DYM: variants seen among roughly 807,000 people sequenced by gnomAD.
DYM encodes the protein dyggve-Melchior-Clausen syndrome protein.
In DYM, 78 loss-of-function variants were observed where a neutral mutation model predicts 93.1. The observed-to-expected ratio is 0.84, with a 90% CI of 0.70 to 1.01. The LOEUF (loss-of-function observed/expected upper bound fraction) is 1.01, where lower values mean the gene tolerates loss of function less well. Among genes scored for constraint, DYM ranks in the 50% least tolerant of loss-of-function variants. The probability of loss-of-function intolerance (pLI) is 0.00; values close to 1 mark genes in which losing one functional copy is unlikely to be tolerated. For synonymous variants in DYM, 321 were observed against 319.7 expected (o/e 1.00, Z -0.04); for missense variants, 789 against 845.0 (o/e 0.93, Z 0.82).
At chr18:49,073,900 G>C (rs112690780) in intron 17 of DYM, among the ~76,000 whole-genome samples, 108 of 152,294 alleles carry the variant, frequency 7.1e-4, no homozygotes, top group African/African-American at 2.5e-3. Context: ...AGGATAAGTA[G>C]AGAAGTCTGT....
chr18:49,410,496 T>C (rs1448619160), intron 2 of DYM, among the ~76,000 whole-genome samples: 1 of 151,374 alleles, frequency 6.6e-6, no homozygotes, highest in Non-Finnish European at 1.5e-5. Flanking sequence ...CAATTGGTTG[T>C]ATAATAACAC....
At chr18:49,125,490 A>G (rs1488044866) in intron 15 of DYM, among the ~76,000 whole-genome samples, 1 of 152,204 alleles carries the variant, frequency 6.6e-6, no homozygotes, top group African/African-American at 2.4e-5. Context: ...TTCAAGAAAG[A>G]AAAATAAAAT....
At chr18:49,260,870 AC>A (rs2094478860) in intron 11 of DYM, among the ~76,000 whole-genome samples, 6 of 151,764 alleles carry the variant, frequency 4.0e-5, no homozygotes, top group Non-Finnish European at 8.8e-5. Flanking sequence ...AAAAAAAAAA[AC>A]AAAACACCAC....
chr18:49,426,794 T>C (rs1408434484), intron 2 of DYM, among the ~76,000 whole-genome samples: 5 of 148,766 alleles, frequency 3.4e-5, no homozygotes, highest in Non-Finnish European at 7.4e-5. Flanking sequence ...TGTGTGTGAA[T>C]TTACCCTCAA....
At chr18:49,300,070 AATATAT>A (rs948967726) in intron 8 of DYM, among the ~76,000 whole-genome samples, 5 of 141,662 alleles carry the variant, frequency 3.5e-5, no homozygotes, top group African/African-American at 8.0e-5. Context: ...TATATATATA[AATATAT>A]ATATATATAA....
chr18:49,332,294 G>T (rs1468811236), intron 7 of DYM, among the ~76,000 whole-genome samples: 1 of 152,098 alleles, frequency 6.6e-6, no homozygotes, highest in African/African-American at 2.4e-5. Context: ...TAGAGACAAG[G>T]TCTCACTATG....
chr18:49,248,787 ATAT>A (rs1002294453), intron 13 of DYM, among the ~76,000 whole-genome samples: 12 of 152,214 alleles, frequency 7.9e-5, no homozygotes, highest in African/African-American at 2.7e-4. Context: ...GATATAAAAA[ATAT>A]TATTGTCTCA....
intron 16 of DYM, among the ~76,000 whole-genome samples, chr18:49,109,994 C>A (rs1413794597): frequency 1.3e-5 from 2 of 152,186 alleles, no homozygotes; most frequent in Admixed American, 1.3e-4. Flanking sequence ...TTGTTACTAT[C>A]TTTATTTTAG....
intron 17 of DYM, among the ~76,000 whole-genome samples, chr18:49,073,140 A>T (rs1206262032): frequency 2.6e-5 from 4 of 152,268 alleles, no homozygotes; most frequent in African/African-American, 9.6e-5. Context: ...AAAGTGCCTC[A>T]AAGTATTGAA....
chr18:49,151,728 C>G (rs1183933142), intron 15 of DYM, among the ~76,000 whole-genome samples: 1 of 152,116 alleles, frequency 6.6e-6, no homozygotes, highest in Non-Finnish European at 1.5e-5. Context: ...AAATAGACAG[C>G]TGCTTTCTAT....
intron 6 of DYM, among the ~76,000 whole-genome samples, chr18:49,335,211 T>C (rs1474933841): frequency 2.0e-5 from 3 of 152,242 alleles, no homozygotes; most frequent in Admixed American, 2.0e-4. Context: ...CGTGGTTGAA[T>C]AAAGCTCAGC....
Position 49,044,114 on chromosome 18 carries a change from C to T in DYM, c.2116G>A (p.Ala706Thr). 7 of 1,614,172 alleles carry T rather than the reference C, an allele frequency of 4.3e-6. No individual in the cohort carries two copies. The highest frequency in any genetic ancestry group is 2.5e-6 in the Non-Finnish European group (3 of 1,180,038). Residue 706 changes from alanine to threonine, a missense_variant, in exon 18 of 18, where the codon GCA (alanine) becomes ACA (threonine). By Grantham distance (58) the Ala-to-Thr change is moderately conservative (BLOSUM62 0). This residue lies in a region of DYM where 114 missense variants were observed against 105.8 expected (regional missense o/e 1.08). Transcript: ENST00000675505. ...TGTGGATTCCAGTACAGGCCGACTG[C>T]TGAGTTGTAGACAAGAGACCAGACA... ...PYVWSLVYNS[A>T]VGLYWNPQDI...
intron 1 of DYM, among the ~76,000 whole-genome samples, chr18:49,457,670 A>G (rs1488727223): frequency 6.6e-6 from 1 of 152,222 alleles, no homozygotes; most frequent in Non-Finnish European, 1.5e-5. Context: ...TAGGTAGAAT[A>G]ATAGCCTCCA....
intron 14 of DYM, among the ~76,000 whole-genome samples, chr18:49,190,735 T>C (rs1490143707): frequency 6.6e-6 from 1 of 152,162 alleles, no homozygotes. Flanking sequence ...CACTTATACA[T>C]GCATTTTCTT....
At position 49,286,635 on chromosome 18, in the gene DYM, T is replaced by A; in HGVS notation, c.764-19A>T. Reference sequence around the variant, plus strand: ...AGTCCTGCTGGGGAGGAAAACACCCTGTTAGGATGTGCTGCCACCAATGAG... The same window carrying A: ...AGTCCTGCTGGGGAGGAAAACACCCAGTTAGGATGTGCTGCCACCAATGAG... On this transcript the variant is annotated intron_variant, in intron 8 of 17. Coordinates refer to ENST00000675505, the MANE Select transcript of DYM (RefSeq NM_001353214.3). The A allele has an allele frequency of 1.9e-6, 3 of 1,611,438 alleles. No homozygotes were observed.
intron 2 of DYM, among the ~76,000 whole-genome samples, chr18:49,420,466 G>C (rs2073537193): frequency 1.3e-5 from 2 of 152,128 alleles, no homozygotes; most frequent in African/African-American, 2.4e-5. Context: ...ACCACACCTG[G>C]CTTAAACTAA....
intron 11 of DYM, among the ~76,000 whole-genome samples, chr18:49,268,344 T>C (rs1322514541): frequency 4.6e-5 from 7 of 152,200 alleles, no homozygotes. Context: ...AAAGAACAAG[T>C]GTTTCAATAT....
intron 1 of DYM, among the ~76,000 whole-genome samples, chr18:49,441,191 AATAT>A (rs2081495100): frequency 3.0e-5 from 1 of 33,618 alleles, no homozygotes; most frequent in African/African-American, 1.1e-4. Flanking sequence ...ATTTATATAT[AATAT>A]ATTATATATT....
chr18:49,115,463 T>C (rs1299323522), intron 16 of DYM, among the ~76,000 whole-genome samples: 4 of 152,228 alleles, frequency 2.6e-5, no homozygotes, highest in Non-Finnish European at 5.9e-5. Context: ...TTCAGGTGAC[T>C]ATCTTTAAAC....
Sources: gnomAD v4.1 joint callset for allele counts (sites outside exome capture counted in the v4.1 genomes callset) on GRCh38, gnomAD v4.1.1 for gene constraint, gnomAD v4.1.1 regional missense constraint, MANE v1.5 for transcripts, NCBI Gene and HGNC (gene_info 2026-07-23, HGNC 2026-07-21) for gene names.